The following RECK variants were observed in gnomAD, a reference collection of about 807,000 sequenced individuals.
RECK encodes the protein reversion inducing cysteine rich protein with kazal motifs, also known as reversion-inducing cysteine-rich protein with Kazal motifs.
Under a neutral mutation model 115.1 loss-of-function variants are expected in RECK, and 69 were observed. The observed-to-expected ratio is 0.60, with a 90% CI of 0.49 to 0.73. The LOEUF (loss-of-function observed/expected upper bound fraction) is 0.73. Among genes scored for constraint, RECK ranks in the 30% least tolerant of loss-of-function variants. The probability of loss-of-function intolerance (pLI) is 0.00; values close to 1 mark genes in which losing one functional copy is unlikely to be tolerated. For synonymous variants in RECK, 414 were observed against 419.7 expected (o/e 0.99, Z 0.17); for missense variants, 1,047 against 1,203.7 (o/e 0.87, Z 1.93).
chr9:36,087,261 A>T (rs1006915814), intron 8 of RECK, among the ~76,000 whole-genome samples: 2 of 151,618 alleles, frequency 1.3e-5, no homozygotes, highest in Non-Finnish European at 2.9e-5. Context: ...TCAGTGACAG[A>T]CTGAATAAAG....
rs1312190200 is a variant in RECK, at chr9:36,076,387, G to A, written c.406-4218G>A. Among the ~76,000 whole-genome samples, 4 of 152,282 alleles carry A rather than the reference G, an allele frequency of 2.6e-5. No individual in the cohort carries two copies. In the East Asian group the frequency reaches 5.8e-4, roughly 22 times the overall value. On this transcript the variant is annotated intron_variant, in intron 6 of 20. Coordinates refer to ENST00000377966, the MANE Select transcript of RECK (RefSeq NM_021111.3). ...TGGACCAGCAGAGTCTACTTCCCAG[G>A]TGCACCCAAAGGGTCTTCCCCACCA... is the stretch of plus-strand genomic sequence containing the variant.
chr9:36,063,849 T>C lies in RECK; in HGVS notation c.326T>C (p.Ile109Thr), dbSNP rs781364833. 6 of 1,614,060 alleles carry C rather than the reference T, an allele frequency of 3.7e-6. No individual in the cohort carries two copies. Among genetic ancestry groups the C allele is most frequent in the Non-Finnish European group, 5.1e-6 (6 of 1,179,916 alleles). Reference sequence around the variant, plus strand: ...GGCTTAGGCTGCTGTGAACTGGCTATTGCCTTGGAGTGTCGACAGGCATGC... The same window carrying C: ...GGCTTAGGCTGCTGTGAACTGGCTACTGCCTTGGAGTGTCGACAGGCATGC... Reference protein sequence around the residue: ...WVGLGCCELAIALECRQACKQ... With the variant: ...WVGLGCCELATALECRQACKQ... Residue 109 changes from isoleucine (I) to threonine (T), a missense_variant, in exon 5 of 21, where the codon ATT (isoleucine) becomes ACT (threonine). By Grantham distance (89) the Ile-to-Thr change is moderately conservative. Coordinates refer to ENST00000377966, the MANE Select transcript of RECK (RefSeq NM_021111.3).
At chr9:36,101,554 G>A (rs904664551) in intron 11 of RECK, among the ~76,000 whole-genome samples, 8 of 152,156 alleles carry the variant, frequency 5.3e-5, no homozygotes, top group Admixed American at 4.6e-4. Flanking sequence ...ACAATTAGGT[G>A]ACAAGCAAGA....
At position 36,052,287 on chromosome 9, in the gene RECK, A is replaced by T. The variant is rs1481523672; in HGVS notation, c.123A>T (p.Ser41=). 6.2e-7 allele frequency: 1 copy of T among 1,609,926 alleles called. No individual in the cohort carries two copies. The highest frequency in any genetic ancestry group is 1.3e-5 in the African/African-American group (1 of 74,808). ...GSAGALCCNH[S]KDNQMCRDVC... ...TAGGTGCATTGTGTTGTAATCATTC[A>T]AAGGATAACCAAATGTGCCGTGATG... Residue 41 remains serine (S), a synonymous_variant, in exon 2 of 21, where the codon TCA becomes TCT. Transcript: ENST00000377966.
intron 19 of RECK, 73 bp downstream of exon 19, chr9:36,120,809 G>C: frequency 9.7e-7 from 1 of 1,030,106 alleles, no homozygotes; most frequent in Non-Finnish European, 1.5e-6. Context: ...AGAGTAGAAT[G>C]TGTTGTCCTC....
At chr9:36,111,957 A>C (rs1184302475) in intron 15 of RECK, among the ~76,000 whole-genome samples, 1 of 145,484 alleles carries the variant, frequency 6.9e-6, no homozygotes, top group African/African-American at 2.6e-5. Flanking sequence ...CTGTCAGAAT[A>C]CAAAAAAAAA....
intron 10 of RECK, among the ~76,000 whole-genome samples, chr9:36,097,520 G>A (rs1823401442): frequency 6.6e-6 from 1 of 152,044 alleles, no homozygotes. Context: ...CAAAAAGATG[G>A]AAGATAACAA....
In RECK at chr9:36,036,930, A is replaced by AGCGGCT; in HGVS notation, c.-64_-63insTGCGGC. Reference sequence around the variant, plus strand: ...GGGGCCTCGCGCGAGCGGCGGCGGTAGCGGCGGCAGCGGCTGCGGCCAAGC... The same window carrying AGCGGCT: ...GGGGCCTCGCGCGAGCGGCGGCGGTAGCGGCTGCGGCGGCAGCGGCTGCGGCCAAGC... On this transcript the variant is annotated 5_prime_UTR_variant, in exon 1 of 21. Coordinates refer to ENST00000377966, the MANE Select transcript of RECK (RefSeq NM_021111.3). The AGCGGCT allele has an allele frequency of 2.4e-5, 25 of 1,020,578 alleles. No homozygotes were observed. Among genetic ancestry groups the AGCGGCT allele is most frequent in the Non-Finnish European group, 3.1e-5 (24 of 784,126 alleles). 63.2% of individuals were successfully genotyped at this position (1,020,578 alleles called of 1,614,324 possible). A position where few individuals can be genotyped will look rare whatever the true frequency, so the allele number is the denominator to read the frequency against.
At chr9:36,122,047 G>C (rs1374284639) in intron 20 of RECK, among the ~76,000 whole-genome samples, 3 of 152,174 alleles carry the variant, frequency 2.0e-5, no homozygotes, top group Non-Finnish European at 4.4e-5. Flanking sequence ...GAAGGAACTG[G>C]TGCAGGTCAT....
At chr9:36,118,259 TCTC>T (rs1824337219) in intron 17 of RECK, among the ~76,000 whole-genome samples, 1 of 152,128 alleles carries the variant, frequency 6.6e-6, no homozygotes, top group African/African-American at 2.4e-5. Context: ...CTTGTTCCCT[TCTC>T]CTGGCTGTGA....
chr9:36,097,017 C>G (rs1823374038), intron 10 of RECK, among the ~76,000 whole-genome samples: 2 of 151,968 alleles, frequency 1.3e-5, no homozygotes, highest in South Asian at 4.2e-4. Flanking sequence ...AGTAAAACAA[C>G]TCAATTTTAA....
At chr9:36,092,742 A>G (rs1823210532) in intron 10 of RECK, among the ~76,000 whole-genome samples, 1 of 151,784 alleles carries the variant, frequency 6.6e-6, no homozygotes. Flanking sequence ...ACATTTGTGC[A>G]CTTCTTCCTC....
chr9:36,080,531 C>T (rs1268373547), intron 6 of RECK, 74 bp from the exon 7 acceptor site: 1 of 1,182,138 alleles, frequency 8.5e-7, no homozygotes, highest in Non-Finnish European at 1.2e-6. Context: ...TTCCATGTAA[C>T]CATAAAGTGG....
At chr9:36,101,197 C>T (rs151099145) in intron 11 of RECK, among the ~76,000 whole-genome samples, 2,917 of 152,244 alleles carry the variant, frequency 0.019, 45 homozygotes, top group Middle Eastern at 0.034. Context: ...GTGATCCACC[C>T]GCCTCGGCCT....
chr9:36,097,654 A>G (rs1049829529), intron 10 of RECK, among the ~76,000 whole-genome samples: 3 of 152,212 alleles, frequency 2.0e-5, no homozygotes, highest in Non-Finnish European at 4.4e-5. Context: ...AAGGTACCAT[A>G]TGATCCAGCA....
In RECK at chr9:36,112,618, G is replaced by C. The variant is rs373829853; in HGVS notation, c.2060+142G>C. ...AGTTTGGAGTCTGGAGGGAAAGAGA[G>C]CCATGTAAAGCTGCTTGATAAGGTG... On this transcript the variant is annotated intron_variant, in intron 16 of 20. Coordinates refer to ENST00000377966, the MANE Select transcript of RECK (RefSeq NM_021111.3). 27 of 888,422 alleles carry C rather than the reference G, an allele frequency of 3.0e-5. No individual in the cohort carries two copies. The African/African-American group carries it at 4.1e-4, about 13-fold the overall frequency. 55.0% of individuals were successfully genotyped at this position (888,422 alleles called of 1,614,324 possible).
At position 36,112,489 on chromosome 9, in the gene RECK, G is replaced by T; in HGVS notation, c.2060+13G>T. ...AAAAAAACCAAAGGTAAGTCAAATG[G>T]CTTCTTATTTTATTCAACTGAAGAC... On this transcript the variant is annotated intron_variant, in intron 16 of 20. Transcript: ENST00000377966. 1.2e-6 allele frequency: 2 copies of T among 1,613,018 alleles called. No homozygotes were observed. The highest frequency in any genetic ancestry group is 1.7e-6 in the Non-Finnish European group (2 of 1,179,366).
intron 10 of RECK, 131 bp downstream of exon 10, chr9:36,091,474 G>T (rs924425735): frequency 9.7e-6 from 7 of 724,824 alleles, no homozygotes; most frequent in Non-Finnish European, 1.5e-5. Context: ...ATCTTTAAAT[G>T]CAGTATTCCA....
chr9:36,047,616 C>G (rs1238585031), intron 1 of RECK, among the ~76,000 whole-genome samples: 3 of 151,986 alleles, frequency 2.0e-5, no homozygotes, highest in South Asian at 2.1e-4. Context: ...AAACAAAAAC[C>G]CTTATGAGTG....
Sources: allele counts gnomAD v4.1 joint callset (sites outside exome capture counted in the v4.1 genomes callset), GRCh38; gene constraint gnomAD v4.1.1; transcripts MANE v1.5; gene names NCBI Gene and HGNC (gene_info 2026-07-23, HGNC 2026-07-21).